Variants in GRK3 observed in about 807,000 individuals in gnomAD.
The protein encoded by GRK3 is adrenergic, beta, receptor kinase 2.
GRK3 carries 54 observed loss-of-function variants against 95.7 expected under a neutral mutation model. That is an observed-to-expected ratio of 0.56 (90% CI 0.45 to 0.71). The LOEUF (loss-of-function observed/expected upper bound fraction) is 0.71. Among genes scored for constraint, GRK3 ranks in the 30% least tolerant of loss-of-function variants. The pLI, the probability that GRK3 is intolerant of heterozygous loss-of-function variation, is 0.00. For missense variants in GRK3, 649 were observed against 851.2 expected (o/e 0.76, Z 2.96); for synonymous variants, 281 against 290.8 (o/e 0.97, Z 0.34).
intron 2 of GRK3, among the ~76,000 whole-genome samples, chr22:25,623,312 A>G (rs1230950109): frequency 2.0e-5 from 3 of 152,230 alleles, no homozygotes; most frequent in African/African-American, 7.2e-5. Flanking sequence ...TGAAATGACG[A>G]GACAGAGTGA....
chr22:25,721,526 G>A (rs1394280970), intron 20 of GRK3, 129 bp downstream of exon 20: 4 of 579,294 alleles, frequency 6.9e-6, no homozygotes, highest in African/African-American at 2.0e-5. Context: ...AAGCCCCAAG[G>A]TACAAGGTTT....
chr22:25,566,642 G>C (rs992706830), intron 1 of GRK3, among the ~76,000 whole-genome samples: 1 of 152,092 alleles, frequency 6.6e-6, no homozygotes, highest in Non-Finnish European at 1.5e-5. Flanking sequence ...CCAGAGTGTA[G>C]CATATCTGAA....
chr22:25,723,255 A>T lies in GRK3; in HGVS notation c.*805A>T, dbSNP rs1486419904. ...CACGAGTCGACAAGCAGTACCTGGC[A>T]TGCAGGAGCACTCATGGGTGAGTCC... is the stretch of plus-strand genomic sequence containing the variant. On this transcript the variant is annotated 3_prime_UTR_variant, in exon 21 of 21. Coordinates refer to ENST00000324198, the MANE Select transcript of GRK3 (RefSeq NM_005160.4). 1.3e-5 allele frequency: 2 copies of T among 152,212 alleles called. No homozygotes were observed. Among genetic ancestry groups the T allele is most frequent in the Admixed American group, 1.3e-4 (2 of 15,272 alleles). The allele number at this position is 152,212 out of a possible 1,614,324, so 9.4% of individuals were successfully genotyped here. A position where few individuals can be genotyped will look rare whatever the true frequency, so the allele number is the denominator to read the frequency against.
At position 25,725,817 on chromosome 22, in the gene GRK3, C is replaced by T. The variant is rs1196650212; in HGVS notation, c.*3367C>T. The T allele has an allele frequency of 3.4e-5, 12 of 352,078 alleles. No individual in the cohort carries two copies. Among genetic ancestry groups the T allele is most frequent in the Non-Finnish European group, 5.6e-5 (11 of 197,302 alleles). The allele number at this position is 352,078 out of a possible 1,614,324, so 21.8% of individuals were successfully genotyped here. On this transcript the variant is annotated 3_prime_UTR_variant, in exon 21 of 21. Coordinates refer to ENST00000324198, the MANE Select transcript of GRK3 (RefSeq NM_005160.4). ...AATAAAAATTAGCCGGGCGTGGTGG[C>T]GGGCGCCTGTAGTCCCAGCTACTTG... is the stretch of plus-strand genomic sequence containing the variant.
At chr22:25,704,306 C>A in intron 15 of GRK3, 97 bp downstream of exon 15, 1 of 841,238 alleles carries the variant, frequency 1.2e-6, no homozygotes, top group Non-Finnish European at 1.8e-6. Flanking sequence ...TCATTAAAAT[C>A]TTCCATTTTG....
Position 25,703,437 on chromosome 22 carries a change from C to G in GRK3, c.1161-73C>G, listed in dbSNP as rs939881753. On this transcript the variant is annotated intron_variant, in intron 13 of 20. Transcript: ENST00000324198. Reference sequence around the variant, plus strand: ...TAGTGATAGGACATCATACTTTACCCAAATATTAGTCAGTGATATGTTCTA... The same window carrying G: ...TAGTGATAGGACATCATACTTTACCGAAATATTAGTCAGTGATATGTTCTA... 6 of 1,180,500 alleles carry G rather than the reference C, an allele frequency of 5.1e-6. No homozygotes were observed. The African/African-American group carries it at 7.6e-5, about 15-fold the overall frequency. 73.1% of individuals were successfully genotyped at this position (1,180,500 alleles called of 1,614,324 possible).
At chr22:25,674,573 T>G (rs766955414) in intron 8 of GRK3, 45 bp downstream of exon 8, 1 of 1,375,326 alleles carries the variant, frequency 7.3e-7, no homozygotes, top group African/African-American at 1.4e-5. Context: ...TATTAAAATT[T>G]TAATATTTGC....
chr22:25,673,008 A>ATTTT (rs3884806), intron 7 of GRK3, among the ~76,000 whole-genome samples: 2 of 110,494 alleles, frequency 1.8e-5, no homozygotes, highest in Non-Finnish European at 3.6e-5. Context: ...ATCAACCGGA[A>ATTTT]TTTTTTTTTT....
chr22:25,570,459 G>T (rs2146310067), intron 1 of GRK3, among the ~76,000 whole-genome samples: 1 of 152,254 alleles, frequency 6.6e-6, no homozygotes, highest in Admixed American at 6.5e-5. Context: ...GAGTAAAAGG[G>T]AAAAACAATA....
rs1327437489 is a variant in GRK3, at chr22:25,716,969, G to A, written c.1655-1276G>A. On this transcript the variant is annotated intron_variant, in intron 18 of 20. Transcript: ENST00000324198. ...TACGTGCTCCTTATGAGAATCGAAT[G>A]CTTGATCTGAAGTAGCACAGTTTGA... 2.6e-5 allele frequency among the ~76,000 whole-genome samples: 4 copies of A among 152,296 alleles called. No individual in the cohort carries two copies. In the East Asian group the frequency reaches 7.7e-4, roughly 29 times the overall value.
At chr22:25,642,950 A>C (rs1050567620) in intron 2 of GRK3, among the ~76,000 whole-genome samples, 15 of 152,234 alleles carry the variant, frequency 9.9e-5, no homozygotes, top group Non-Finnish European at 2.1e-4. Flanking sequence ...AAAGCATTGA[A>C]ATCATACCAA....
At chr22:25,695,018 C>T (rs1394530887) in intron 12 of GRK3, 89 bp from the exon 13 acceptor site, 13 of 825,304 alleles carry the variant, frequency 1.6e-5, no homozygotes, top group Non-Finnish European at 2.4e-5. Context: ...TCGCTGCCAT[C>T]TAATGAAGGA....
chr22:25,651,935 G>A (rs533422493), intron 3 of GRK3, among the ~76,000 whole-genome samples: 1 of 152,142 alleles, frequency 6.6e-6, no homozygotes, highest in South Asian at 2.1e-4. Context: ...CAGCCTTCTA[G>A]CACACTTTTT....
intron 2 of GRK3, among the ~76,000 whole-genome samples, chr22:25,642,158 C>T (rs780756910): frequency 6.1e-4 from 93 of 152,178 alleles, no homozygotes; most frequent in Non-Finnish European, 1.2e-3. Context: ...CAGATGGCCG[C>T]GCGGTGGCTC....
chr22:25,592,138 T>A (rs1259184641), intron 1 of GRK3, among the ~76,000 whole-genome samples: 2 of 152,216 alleles, frequency 1.3e-5, no homozygotes, highest in Non-Finnish European at 2.9e-5. Flanking sequence ...TCCATATCCC[T>A]CCCAACATTT....
chr22:25,671,553 C>T (rs931177101), intron 6 of GRK3, among the ~76,000 whole-genome samples: 1 of 152,190 alleles, frequency 6.6e-6, no homozygotes, highest in Non-Finnish European at 1.5e-5. Flanking sequence ...GGTTTCTCTT[C>T]TATACCACCT....
At chr22:25,707,630 C>T (rs536424751) in intron 15 of GRK3, among the ~76,000 whole-genome samples, 87 of 152,058 alleles carry the variant, frequency 5.7e-4, no homozygotes, top group Non-Finnish European at 1.1e-3. Flanking sequence ...GAGGAGTCAG[C>T]GAGGGAGGAC....
chr22:25,632,331 T>C (rs1601488322), intron 2 of GRK3, among the ~76,000 whole-genome samples: 1 of 152,250 alleles, frequency 6.6e-6, no homozygotes, highest in Non-Finnish European at 1.5e-5. Flanking sequence ...TTGACATTTA[T>C]ATATCTTCTT....
rs146517167 is a variant in GRK3 at position 25,714,564 on chromosome 22, G to A, written c.1648G>A (p.Glu550Lys). The A allele has an allele frequency of 1.0e-5, 16 of 1,594,828 alleles. No homozygotes were observed. Among genetic ancestry groups the A allele is most frequent in the African/African-American group, 2.7e-5 (2 of 73,600 alleles). The change falls in exon 18 of 21, where the codon GAA becomes AAA. Residue 550 changes from glutamate to lysine, a missense_variant. Coordinates refer to ENST00000324198, the MANE Select transcript of GRK3 (RefSeq NM_005160.4). ...AGCTAAAAATAAGCAACTTGGCCAC[G>A]AAGAAGGTAAAATAGCTCACGTGTC... Reference protein sequence around the residue: ...KRAKNKQLGHEEDYALGKDCI... With the variant: ...KRAKNKQLGHKEDYALGKDCI...
Sources: allele counts gnomAD v4.1 joint callset (sites outside exome capture counted in the v4.1 genomes callset), GRCh38; gene constraint gnomAD v4.1.1; transcripts MANE v1.5; gene names NCBI Gene and HGNC (gene_info 2026-07-23, HGNC 2026-07-21).